ADAMTSL3: variants seen among roughly 807,000 people sequenced by gnomAD.
ADAMTSL3 encodes the protein ADAMTS-like protein 3.
ADAMTSL3 carries 128 observed loss-of-function variants against 201.7 expected under a neutral mutation model. That is an observed-to-expected ratio of 0.63 (90% CI 0.55 to 0.73). ADAMTSL3 has a LOEUF of 0.73. ADAMTSL3 is among the 30% of genes least tolerant of loss of function. The probability of loss-of-function intolerance (pLI) is 0.00; values close to 1 mark genes in which losing one functional copy is unlikely to be tolerated. For synonymous variants in ADAMTSL3, 738 were observed against 748.4 expected, an observed-to-expected ratio of 0.99 and a Z score of 0.23; for missense variants, 1,990 against 2,119.6, an observed-to-expected ratio of 0.94 and a Z score of 1.20.
intron 4 of ADAMTSL3, among the ~76,000 whole-genome samples, chr15:83,787,492 T>C (rs1044951269): frequency 6.6e-6 from 1 of 152,030 alleles, no homozygotes; most frequent in African/African-American, 2.4e-5. Flanking sequence ...TGTTGGGGAG[T>C]ATGGACTTTT....
chr15:83,981,405 C>T (rs1425620502), intron 20 of ADAMTSL3, among the ~76,000 whole-genome samples: 1 of 152,222 alleles, frequency 6.6e-6, no homozygotes, highest in Non-Finnish European at 1.5e-5. Context: ...CCCTTGTCAC[C>T]AGATCAGTGG....
intron 19 of ADAMTSL3, among the ~76,000 whole-genome samples, chr15:83,947,971 C>G (rs2142051945): frequency 6.6e-6 from 1 of 152,312 alleles, no homozygotes; most frequent in Middle Eastern, 3.4e-3. Flanking sequence ...CCACTGTCTT[C>G]CAACACTTAT....
intron 2 of ADAMTSL3, among the ~76,000 whole-genome samples, chr15:83,667,661 A>G (rs2061267314): frequency 6.6e-6 from 1 of 152,196 alleles, no homozygotes; most frequent in East Asian, 1.9e-4. Flanking sequence ...TTTAAAGAAC[A>G]GTGAAATTGG....
intron 17 of ADAMTSL3, among the ~76,000 whole-genome samples, chr15:83,936,323 CAG>C (rs989714194): frequency 6.7e-5 from 10 of 150,362 alleles, no homozygotes; most frequent in African/African-American, 2.2e-4. Context: ...TAAAATATAA[CAG>C]AGGGGAAAAC....
At chr15:83,804,725 A>C in intron 5 of ADAMTSL3, 30 bp downstream of exon 5, 9 of 1,518,356 alleles carry the variant, frequency 5.9e-6, no homozygotes, top group Non-Finnish European at 8.1e-6. Context: ...TATTTTATCC[A>C]ATACAATATG....
At position 84,036,962 on chromosome 15, in the gene ADAMTSL3, G is replaced by A; in HGVS notation, c.4944G>A (p.Arg1648=). 6.2e-7 allele frequency: 1 copy of A among 1,614,062 alleles called. No homozygotes were observed. The highest frequency in any genetic ancestry group is 8.5e-7 in the Non-Finnish European group (1 of 1,180,000). Residue 1648 remains arginine, a synonymous_variant, in exon 29 of 30, where the codon CGG becomes CGA. Coordinates refer to ENST00000286744, the MANE Select transcript of ADAMTSL3 (RefSeq NM_207517.3). ...AGAAAAAGAAACCAATTTCCTGGCG[G>A]CACTGTCTTGGGCCCTCCTGTGATA... is the stretch of plus-strand genomic sequence containing the variant. ...CVQKKKPISW[R]HCLGPSCDRD... is the part of the protein sequence containing the mutation.
intron 3 of ADAMTSL3, among the ~76,000 whole-genome samples, chr15:83,748,482 T>TACAAAAAAATAC (rs1456533495): frequency 6.6e-6 from 1 of 151,434 alleles, no homozygotes; most frequent in Non-Finnish European, 1.5e-5. Context: ...ACCCTGTCTT[T>TACAAAAAAATAC]ACAAAAAAAT....
At chr15:83,835,448 G>A (rs921663559) in intron 6 of ADAMTSL3, among the ~76,000 whole-genome samples, 24 of 152,000 alleles carry the variant, frequency 1.6e-4, no homozygotes, top group Non-Finnish European at 3.1e-4. Context: ...AAATTATGAA[G>A]CAAATATCAG....
chr15:83,910,857 C>T (rs1179386955), intron 15 of ADAMTSL3, among the ~76,000 whole-genome samples: 1 of 149,976 alleles, frequency 6.7e-6, no homozygotes, highest in African/African-American at 2.5e-5. Flanking sequence ...CCAGGCTAGT[C>T]TCGAACTCCT....
intron 2 of ADAMTSL3, among the ~76,000 whole-genome samples, chr15:83,689,789 G>A (rs1260113776): frequency 6.6e-6 from 1 of 151,916 alleles, no homozygotes; most frequent in African/African-American, 2.4e-5. Context: ...GAATTATTGG[G>A]TGTTCCTTTC....
chr15:83,960,347 A>T lies in ADAMTSL3; in HGVS notation c.2491-10137A>T, dbSNP rs578257066. Among the ~76,000 whole-genome samples the T allele has an allele frequency of 3.2e-4, 49 of 152,304 alleles. 1 individual carries two copies. The South Asian group carries it at 9.5e-3, about 30-fold the overall frequency. On this transcript the variant is annotated intron_variant, in intron 19 of 29. Transcript: ENST00000286744. Reference sequence around the variant, plus strand: ...TTAAGAAACACACCTGCCAAAGACCATAAAATCTGGACCAGAATGAGGGGG... The same window carrying T: ...TTAAGAAACACACCTGCCAAAGACCTTAAAATCTGGACCAGAATGAGGGGG...
chr15:83,654,804 C>A lies in ADAMTSL3; in HGVS notation c.-34+528C>A, dbSNP rs1181892601. ...CTGGTGCGAGCAGGCGAGGGTGGCGCAGAGTCCCAGGGCCCCGCACTGGCC... is the reference window on the plus strand; with the variant it reads ...CTGGTGCGAGCAGGCGAGGGTGGCGAAGAGTCCCAGGGCCCCGCACTGGCC... On this transcript the variant is annotated intron_variant, in intron 1 of 29. Coordinates refer to ENST00000286744, the MANE Select transcript of ADAMTSL3 (RefSeq NM_207517.3). The surrounding 1 kb of genome is among the most constrained non-coding windows in gnomAD (Gnocchi z 5.3). Among the ~76,000 whole-genome samples, 4 of 152,146 alleles carry A rather than the reference C, an allele frequency of 2.6e-5. No individual in the cohort carries two copies. The highest frequency in any genetic ancestry group is 1.3e-4 in the Admixed American group (2 of 15,278).
intron 3 of ADAMTSL3, among the ~76,000 whole-genome samples, chr15:83,758,015 A>C (rs558780280): frequency 1.3e-5 from 2 of 152,214 alleles, no homozygotes; most frequent in South Asian, 2.1e-4. Flanking sequence ...AAAGCCATTC[A>C]ACAAGTCTCT....
At chr15:83,793,589 T>G (rs1295337584) in intron 4 of ADAMTSL3, among the ~76,000 whole-genome samples, 3 of 151,922 alleles carry the variant, frequency 2.0e-5, no homozygotes, top group African/African-American at 7.3e-5. Flanking sequence ...CGATTCTCCT[T>G]CCTCTACCTC....
chr15:83,655,887 G>A, intron 2 of ADAMTSL3, 57 bp downstream of exon 2: 1 of 1,546,090 alleles, frequency 6.5e-7, no homozygotes, highest in East Asian at 2.3e-5. Context: ...TTTACTCAGA[G>A]GCATTATTGT....
intron 3 of ADAMTSL3, among the ~76,000 whole-genome samples, chr15:83,742,014 C>T (rs2062463256): frequency 6.6e-6 from 1 of 152,110 alleles, no homozygotes; most frequent in African/African-American, 2.4e-5. Context: ...ATCGAACCTT[C>T]TGCTTTCTAA....
intron 3 of ADAMTSL3, among the ~76,000 whole-genome samples, chr15:83,711,309 G>A (rs1025519254): frequency 9.2e-5 from 14 of 152,270 alleles, no homozygotes; most frequent in Non-Finnish European, 1.8e-4. Context: ...TTATGTAATC[G>A]TTTTTAGTTG....
At chr15:83,661,715 C>G (rs567746503) in intron 2 of ADAMTSL3, among the ~76,000 whole-genome samples, 1 of 151,326 alleles carries the variant, frequency 6.6e-6, no homozygotes, top group South Asian at 2.1e-4. Flanking sequence ...TGAACTCAAA[C>G]AAATTTACGA....
At chr15:83,885,780 C>T (rs976846298) in intron 10 of ADAMTSL3, among the ~76,000 whole-genome samples, 1 of 151,884 alleles carries the variant, frequency 6.6e-6, no homozygotes, top group African/African-American at 2.4e-5. Context: ...GCTGGAGTGC[C>T]GTGGCCAAAT....
Sources: allele counts gnomAD v4.1 joint callset (sites outside exome capture counted in the v4.1 genomes callset), GRCh38; gene constraint gnomAD v4.1.1; non-coding constraint Gnocchi (gnomAD v3.1); transcripts MANE v1.5; gene names NCBI Gene and HGNC (gene_info 2026-07-23, HGNC 2026-07-21).